Variants in FGD6 observed in about 807,000 individuals in gnomAD.
FGD6 encodes the protein FYVE, RhoGEF and PH domain containing 6.
Under a neutral mutation model 149.4 loss-of-function variants are expected in FGD6, and 90 were observed. The observed-to-expected ratio is 0.60, with a 90% CI of 0.51 to 0.72. FGD6 has a LOEUF of 0.72. FGD6 is among the 30% of genes least tolerant of loss of function. The probability of loss-of-function intolerance (pLI) is 0.00; values close to 1 mark genes in which losing one functional copy is unlikely to be tolerated. For missense variants in FGD6, 1,437 were observed against 1,684.8 expected (o/e 0.85, Z 2.57); for synonymous variants, 527 against 584.0 (o/e 0.90, Z 1.41).
chr12:95,165,328 C>CT (rs1332869130), intron 3 of FGD6, among the ~76,000 whole-genome samples: 9 of 149,802 alleles, frequency 6.0e-5, no homozygotes, highest in African/African-American at 2.2e-4. Flanking sequence ...TATCAATTTT[C>CT]TTTTTTTCTT....
chr12:95,164,876 G>A (rs1592859528), intron 3 of FGD6, among the ~76,000 whole-genome samples: 1 of 152,100 alleles, frequency 6.6e-6, no homozygotes, highest in Non-Finnish European at 1.5e-5. Flanking sequence ...GTGACATCAT[G>A]ATTAATCTCT....
At chr12:95,186,228 C>CTTTTTTTTTTTT (rs1174763781) in intron 2 of FGD6, among the ~76,000 whole-genome samples, 1 of 38,936 alleles carries the variant, frequency 2.6e-5, no homozygotes, top group Non-Finnish European at 4.9e-5. Flanking sequence ...TATTCTTCTT[C>CTTTTTTTTTTTT]TTTTTTTTTT....
intron 8 of FGD6, among the ~76,000 whole-genome samples, chr12:95,117,503 T>C (rs900739681): frequency 6.6e-6 from 1 of 152,052 alleles, no homozygotes; most frequent in Non-Finnish European, 1.5e-5. Flanking sequence ...ATGCTCATTG[T>C]AGCTTCAATC....
At chr12:95,192,510 T>A (rs1881620371) in intron 2 of FGD6, among the ~76,000 whole-genome samples, 1 of 152,234 alleles carries the variant, frequency 6.6e-6, no homozygotes, top group African/African-American at 2.4e-5. Context: ...AATAAATATT[T>A]ACTAAGCACC....
chr12:95,196,554 A>G (rs1881741876), intron 2 of FGD6, among the ~76,000 whole-genome samples: 1 of 152,084 alleles, frequency 6.6e-6, no homozygotes, highest in African/African-American at 2.4e-5. Context: ...TATGCTTTCT[A>G]TACTATGACT....
intron 5 of FGD6, among the ~76,000 whole-genome samples, chr12:95,143,950 C>T (rs1053279508): frequency 3.3e-5 from 5 of 152,174 alleles, no homozygotes; most frequent in Non-Finnish European, 5.9e-5. Flanking sequence ...CTCCTGGCAG[C>T]AGGATAACTT....
chr12:95,137,983 A>G (rs1879724304), intron 6 of FGD6, among the ~76,000 whole-genome samples: 1 of 151,940 alleles, frequency 6.6e-6, no homozygotes, highest in Non-Finnish European at 1.5e-5. Context: ...GCACTTTGGG[A>G]GCCGAGGTGG....
Position 95,105,061 on chromosome 12 carries a change from T to C in FGD6, c.3443A>G (p.Tyr1148Cys), listed in dbSNP as rs373983357. Residue 1148 changes from tyrosine to cysteine, a missense_variant, in exon 14 of 21, where the codon TAT (tyrosine) becomes TGT (cysteine). Coordinates refer to ENST00000343958, the MANE Select transcript of FGD6 (RefSeq NM_018351.4). ...ACTTTCAATCTTTAATTCATTCTGA[T>C]AGGCTTCTTGGGTAGGTTTTCTGAC... Reference protein sequence around the residue: ...MKVRKPTQEAYQNELKIESVE... With the variant: ...MKVRKPTQEACQNELKIESVE... 1 of 1,610,960 alleles carries C rather than the reference T, an allele frequency of 6.2e-7. No individual in the cohort carries two copies. The highest frequency in any genetic ancestry group is 8.5e-7 in the Non-Finnish European group (1 of 1,179,366).
At chr12:95,191,971 C>T (rs980720979) in intron 2 of FGD6, among the ~76,000 whole-genome samples, 1 of 152,126 alleles carries the variant, frequency 6.6e-6, no homozygotes, top group Non-Finnish European at 1.5e-5. Flanking sequence ...CTCCTGACCT[C>T]AGGTGATCCA....
intron 2 of FGD6, among the ~76,000 whole-genome samples, chr12:95,184,563 A>G (rs1222736195): frequency 1.4e-5 from 2 of 145,444 alleles, no homozygotes; most frequent in Non-Finnish European, 3.0e-5. Context: ...AGGAAAAGAC[A>G]TGGATTTCTT....
intron 5 of FGD6, among the ~76,000 whole-genome samples, chr12:95,142,118 C>A (rs1879866078): frequency 6.6e-6 from 1 of 150,538 alleles, no homozygotes; most frequent in Admixed American, 6.6e-5. Context: ...CAGGCGCGTG[C>A]CACCATGCCA....
chr12:95,182,183 T>C (rs1881300807), intron 2 of FGD6, among the ~76,000 whole-genome samples: 1 of 88,368 alleles, frequency 1.1e-5, no homozygotes. Context: ...TACTTCACAG[T>C]TGCATACACA....
In FGD6 at chr12:95,130,776, A is replaced by G. The variant is rs540608645; in HGVS notation, c.3082+3963T>C. 2.6e-5 allele frequency among the ~76,000 whole-genome samples: 4 copies of G among 152,324 alleles called. No homozygotes were observed. In the South Asian group the frequency reaches 6.2e-4, roughly 24 times the overall value. ...AGCAGTACTTTCACAGCAACAGTAG[A>G]TATGTCTTGCAAAGTAAAGAGTAAT... is the stretch of plus-strand genomic sequence containing the variant. On this transcript the variant is annotated intron_variant, in intron 8 of 20. Transcript: ENST00000343958.
chr12:95,181,941 C>CAAA (rs767271799), intron 2 of FGD6, among the ~76,000 whole-genome samples: 4 of 101,608 alleles, frequency 3.9e-5, no homozygotes, highest in South Asian at 3.2e-4. Context: ...GAGATTCTCT[C>CAAA]AAAAAAAAAA....
intron 1 of FGD6, among the ~76,000 whole-genome samples, chr12:95,214,553 G>T (rs1204943868): frequency 4.6e-5 from 7 of 152,116 alleles, no homozygotes; most frequent in Non-Finnish European, 1.5e-5. Context: ...AGCACCTTTG[G>T]ATCTTAATAC....
chr12:95,084,922 G>A (rs758655013), intron 19 of FGD6, among the ~76,000 whole-genome samples: 7 of 152,172 alleles, frequency 4.6e-5, no homozygotes, highest in African/African-American at 7.2e-5. Flanking sequence ...AGGAAGGCAC[G>A]TGATTATATT....
intron 2 of FGD6, among the ~76,000 whole-genome samples, chr12:95,179,374 G>A (rs547247749): frequency 2.6e-5 from 4 of 152,010 alleles, no homozygotes; most frequent in South Asian, 4.2e-4. Context: ...GTATGTGCCT[G>A]TGGTCCTAGC....
intron 8 of FGD6, among the ~76,000 whole-genome samples, chr12:95,127,349 G>C (rs1219888226): frequency 6.6e-6 from 1 of 152,086 alleles, no homozygotes; most frequent in Non-Finnish European, 1.5e-5. Flanking sequence ...TTCCAGACCA[G>C]CCTGGCCAAT....
intron 14 of FGD6, among the ~76,000 whole-genome samples, chr12:95,095,015 A>G (rs2136235036): frequency 6.6e-6 from 1 of 152,360 alleles, no homozygotes; most frequent in Non-Finnish European, 1.5e-5. Flanking sequence ...ATTAATAATT[A>G]TGATTATTTA....
Sources: gnomAD v4.1 joint callset for allele counts (sites outside exome capture counted in the v4.1 genomes callset) on GRCh38, gnomAD v4.1.1 for gene constraint, MANE v1.5 for transcripts, NCBI Gene and HGNC (gene_info 2026-07-23, HGNC 2026-07-21) for gene names.